PDGFRB: variants seen among roughly 807,000 people sequenced by gnomAD.
The protein encoded by PDGFRB is platelet-derived growth factor receptor beta.
A neutral mutation model predicts 120.2 loss-of-function variants in PDGFRB; 42 were observed. The ratio of observed to expected loss-of-function variants is 0.35; its 90% CI spans 0.27 to 0.45. PDGFRB has a LOEUF of 0.45. Ranked by LOEUF, PDGFRB falls within the 20% of genes least tolerant of loss-of-function variation. PDGFRB has a pLI of 1.00. For synonymous variants in PDGFRB, 586 were observed against 606.8 expected (o/e 0.97, Z 0.50); for missense variants, 1,149 against 1,476.3 (o/e 0.78, Z 3.63).
At chr5:150,124,701 T>C (rs1167834574) in intron 13 of PDGFRB, 26 bp downstream of exon 13, 2 of 1,118,498 alleles carry the variant, frequency 1.8e-6, no homozygotes, top group Non-Finnish European at 2.7e-6. Context: ...AAGGCCCAGA[T>C]GTGGAGGGCT....
chr5:150,135,260 G>T (rs1760588825), intron 3 of PDGFRB, among the ~76,000 whole-genome samples: 1 of 152,232 alleles, frequency 6.6e-6, no homozygotes, highest in South Asian at 2.1e-4. Context: ...GATATCTGGA[G>T]CTTGGAGAAT....
chr5:150,132,141 G>T lies in PDGFRB; in HGVS notation c.1128-47C>A, dbSNP rs200347656. 5.0e-6 allele frequency: 5 copies of T among 1,001,096 alleles called. No homozygotes were observed. The East Asian group carries it at 1.2e-4, about 24-fold the overall frequency. The allele number at this position is 1,001,096 out of a possible 1,614,324, so 62.0% of individuals were successfully genotyped here. A position where few individuals can be genotyped will look rare whatever the true frequency, so the allele number is the denominator to read the frequency against. The stretch of plus-strand genomic sequence containing the variant: ...TGTCAGAGTCGGAAGGACTCTTACA[G>T]TTCTCCCCACCCTCCTGGTATAAAG... On this transcript the variant is annotated intron_variant, in intron 7 of 22. Transcript: ENST00000261799. This position sits in a 1 kb window ranked among gnomAD's most constrained non-coding sequence, Gnocchi z 5.0.
Position 150,119,472 on chromosome 5 carries a change from G to T in PDGFRB, c.2793C>A (p.Asp931Glu). ...YRMAQPAHASDEIYEIMQKCW... is the reference protein window; with the variant it reads ...YRMAQPAHASEEIYEIMQKCW... The stretch of plus-strand genomic sequence containing the variant: ...ATGCATGAGACTCCACTCACATCTC[G>T]TCGGAGGCATGGGCAGGCTGGGCCA... The change falls in exon 20 of 23, where the codon GAC becomes GAA. Residue 931 changes from aspartate (D) to glutamate (E), a missense_variant. Asp to Glu is a conservative substitution (Grantham distance 45). Transcript: ENST00000261799. The T allele has an allele frequency of 6.3e-7, 1 of 1,576,060 alleles. No homozygotes were observed. Among genetic ancestry groups the T allele is most frequent in the Non-Finnish European group, 8.7e-7 (1 of 1,145,202 alleles).
rs1760541010 is a variant in PDGFRB, at chr5:150,133,682, T to G, written c.838A>C (p.Ser280Arg). Residue 280 changes from serine to arginine, a missense_variant, in exon 6 of 23, where the codon AGT (serine) becomes CGT (arginine). Physicochemically the swap from Ser to Arg is moderately radical, Grantham distance 110. Transcript: ENST00000261799. ...YHIRSILHIP[S>R]AELEDSGTYT... The stretch of plus-strand genomic sequence containing the variant: ...GTCCCCGAGTCTTCTAACTCGGCAC[T>G]GGGGATGTGCAGGATGGAGCGGATG... 1.9e-6 allele frequency: 3 copies of G among 1,613,500 alleles called. No individual in the cohort carries two copies. Among genetic ancestry groups the G allele is most frequent in the Non-Finnish European group, 2.5e-6 (3 of 1,179,738 alleles).
rs1562031829 is a variant in PDGFRB at position 150,150,694 on chromosome 5, T to C, written c.-7+4703A>G. Among the ~76,000 whole-genome samples, 6 of 151,998 alleles carry C rather than the reference T, an allele frequency of 3.9e-5. No individual in the cohort carries two copies. The South Asian group carries it at 1.2e-3, about 32-fold the overall frequency. On this transcript the variant is annotated intron_variant, in intron 1 of 22. Transcript: ENST00000261799. Reference sequence around the variant, plus strand: ...ATCCTGAGGATCTGGGCCTGAGGGCTCAGGAGGGATGTGAAGTGGGCTTCC... The same window carrying C: ...ATCCTGAGGATCTGGGCCTGAGGGCCCAGGAGGGATGTGAAGTGGGCTTCC...
intron 1 of PDGFRB, among the ~76,000 whole-genome samples, chr5:150,149,498 G>C (rs556613481): frequency 6.6e-6 from 1 of 151,220 alleles, no homozygotes; most frequent in African/African-American, 2.5e-5. Flanking sequence ...TGTCTCCATC[G>C]ATTTATCCAT....
At chr5:150,145,112 C>T (rs899873133) in intron 1 of PDGFRB, among the ~76,000 whole-genome samples, 2 of 152,252 alleles carry the variant, frequency 1.3e-5, no homozygotes, top group African/African-American at 2.4e-5. Flanking sequence ...GCCAACCCTT[C>T]CTCTTCCTCC....
chr5:150,143,971 G>A (rs930172151), intron 1 of PDGFRB, among the ~76,000 whole-genome samples: 2 of 152,028 alleles, frequency 1.3e-5, no homozygotes, highest in African/African-American at 4.8e-5. Flanking sequence ...TTCTAGGCCC[G>A]GGGTCCTCTT....
At position 150,123,106 on chromosome 5, in the gene PDGFRB, T is replaced by C. The variant is rs2113892961; in HGVS notation, c.2119A>G (p.Lys707Glu). ...AGCTCCGCGCTGGGCGGGCGGCGCT[T>C]GTCGGAGTGGTGCTGCAGGAAGGTG... is the stretch of plus-strand genomic sequence containing the variant. ...KHTFLQHHSDKRRPPSAELYS... is the reference protein window; with the variant it reads ...KHTFLQHHSDERRPPSAELYS... The change falls in exon 15 of 23, where the codon AAG becomes GAG. Residue 707 changes from lysine to glutamate, a missense_variant. This residue lies in a region of PDGFRB where 879 missense variants were observed against 1,108.6 expected (regional missense o/e 0.79). Transcript: ENST00000261799. The C allele has an allele frequency of 6.2e-7, 1 of 1,614,014 alleles. No individual in the cohort carries two copies. Among genetic ancestry groups the C allele is most frequent in the East Asian group, 2.2e-5 (1 of 44,870 alleles).
chr5:150,151,685 C>A (rs1440568447), intron 1 of PDGFRB, among the ~76,000 whole-genome samples: 1 of 151,892 alleles, frequency 6.6e-6, no homozygotes, highest in Non-Finnish European at 1.5e-5. Context: ...CACGGTGAAA[C>A]CCCATCTGTA....
chr5:150,116,737 C>A (rs1045858864), intron 22 of PDGFRB, among the ~76,000 whole-genome samples: 1 of 152,238 alleles, frequency 6.6e-6, no homozygotes, highest in African/African-American at 2.4e-5. Flanking sequence ...GCTGTGTGAG[C>A]GCTGCACTTC....
At chr5:150,117,534 G>C (rs967859141) in intron 22 of PDGFRB, 84 bp downstream of exon 22, 1 of 646,380 alleles carries the variant, frequency 1.5e-6, no homozygotes, top group South Asian at 1.9e-5. Context: ...GGCAGCGCGC[G>C]CGCGCGCGCG....
intron 1 of PDGFRB, among the ~76,000 whole-genome samples, chr5:150,143,307 C>T (rs1331165714): frequency 1.3e-5 from 2 of 152,242 alleles, no homozygotes; most frequent in African/African-American, 4.8e-5. Flanking sequence ...ACTGTACAGT[C>T]CTGACCCTCT....
At chr5:150,117,527 AGCGCGCGCGCGCGCGCG>A in intron 22 of PDGFRB, 74 bp downstream of exon 22, 1 of 555,916 alleles carries the variant, frequency 1.8e-6, no homozygotes, top group Non-Finnish European at 3.2e-6. Flanking sequence ...CAAACCTGGC[AGCGCGCGCGCGCGCGCG>A]CACACACACA....
chr5:150,135,080 T>C, intron 3 of PDGFRB, 64 bp from the exon 4 acceptor site: 2 of 849,168 alleles, frequency 2.4e-6, no homozygotes, highest in South Asian at 3.2e-5. Flanking sequence ...CCTGAATTGC[T>C]GTGTGGCAAG....
chr5:150,114,265 T>C lies in PDGFRB; in HGVS notation c.*1498A>G, dbSNP rs537946325. Reference sequence around the variant, plus strand: ...CCCCCATGGAGCGCTGCCTCAGGGATGGGGCAGCTGGTGGGTGAGGGGCAA... The same window carrying C: ...CCCCCATGGAGCGCTGCCTCAGGGACGGGGCAGCTGGTGGGTGAGGGGCAA... On this transcript the variant is annotated 3_prime_UTR_variant, in exon 23 of 23. Coordinates refer to ENST00000261799, the MANE Select transcript of PDGFRB (RefSeq NM_002609.4). 8 of 233,194 alleles carry C rather than the reference T, an allele frequency of 3.4e-5. No individual in the cohort carries two copies. The highest frequency in any genetic ancestry group is 1.8e-4 in the African/African-American group (8 of 45,478). 14.4% of individuals were successfully genotyped at this position (233,194 alleles called of 1,614,324 possible). A position where few individuals can be genotyped will look rare whatever the true frequency, so the allele number is the denominator to read the frequency against.
chr5:150,154,844 T>C (rs910140647), intron 1 of PDGFRB, among the ~76,000 whole-genome samples: 4 of 152,190 alleles, frequency 2.6e-5, no homozygotes, highest in Non-Finnish European at 5.9e-5. Context: ...TTCCTAGCCC[T>C]CAAACTTTTC....
chr5:150,117,819 C>T lies in PDGFRB; in HGVS notation c.2936G>A (p.Arg979Lys), dbSNP rs778666177. Reference sequence around the variant, plus strand: ...CCGAAGGATGGCTGGGTGGTCACTCCTCAGAAACTCCTCATCCACCTGCTG... The same window carrying T: ...CCGAAGGATGGCTGGGTGGTCACTCTTCAGAAACTCCTCATCCACCTGCTG... Reference protein sequence around the residue: ...KYQQVDEEFLRSDHPAILRSQ... With the variant: ...KYQQVDEEFLKSDHPAILRSQ... Residue 979 changes from arginine (R) to lysine (K), a missense_variant, in exon 22 of 23, where the codon AGG becomes AAG. Transcript: ENST00000261799. The T allele has an allele frequency of 3.1e-6, 5 of 1,612,802 alleles. No homozygotes were observed. Among genetic ancestry groups the T allele is most frequent in the Non-Finnish European group, 4.2e-6 (5 of 1,179,028 alleles).
chr5:150,143,236 G>GGGT (rs1329773336), intron 1 of PDGFRB, among the ~76,000 whole-genome samples: 2 of 152,224 alleles, frequency 1.3e-5, no homozygotes, highest in Non-Finnish European at 2.9e-5. Context: ...AATGTTTTTG[G>GGGT]ACCACAGTTG....
Sources: allele counts gnomAD v4.1 joint callset (sites outside exome capture counted in the v4.1 genomes callset), GRCh38; gene constraint gnomAD v4.1.1; regional missense constraint gnomAD v4.1.1; non-coding constraint Gnocchi (gnomAD v3.1); transcripts MANE v1.5; gene names NCBI Gene and HGNC (gene_info 2026-07-23, HGNC 2026-07-21).